The following FRMD7 variants were observed in gnomAD, a reference collection of about 807,000 sequenced individuals.
FRMD7 encodes FERM domain-containing protein 7.
In FRMD7, 14 loss-of-function variants were observed where a neutral mutation model predicts 44.1. The observed-to-expected ratio is 0.32, with a 90% CI of 0.21 to 0.50. FRMD7 has a LOEUF of 0.50. FRMD7 is among the 20% of genes least tolerant of loss of function. The pLI is 0.99. For synonymous variants in FRMD7, 212 were observed against 187.4 expected (o/e 1.13, Z -1.07); for missense variants, 501 against 522.3 (o/e 0.96, Z 0.40).
chrX:132,107,133 A>C (rs1928666772), intron 1 of FRMD7, among the ~76,000 whole-genome samples: 1 of 112,427 alleles, frequency 8.9e-6, no homozygotes, highest in Non-Finnish European at 1.9e-5. Flanking sequence ...ATAGATTGGA[A>C]GGAAATATAG....
intron 7 of FRMD7, among the ~76,000 whole-genome samples, chrX:132,084,964 C>T (rs1927936164): frequency 8.9e-6 from 1 of 111,797 alleles, no homozygotes; most frequent in Non-Finnish European, 1.9e-5. Flanking sequence ...TCAATAGCTC[C>T]TCACTGCCCA....
chrX:132,077,681 G>A lies in FRMD7; in HGVS notation c.*191C>T. On this transcript the variant is annotated 3_prime_UTR_variant, in exon 12 of 12. Transcript: ENST00000298542. ...GAGGGCATGTTCTAAAGTCCCTTCA[G>A]AGGTAATGGAAGAGTGAAACTCAAG... 1.8e-6 allele frequency: 1 copy of A among 566,052 alleles called. No homozygotes were observed. Among genetic ancestry groups the A allele is most frequent in the African/African-American group, 2.3e-5 (1 of 43,396 alleles). The allele number at this position is 566,052 out of a possible 1,213,427, so 46.6% of individuals were successfully genotyped here.
chrX:132,081,513 G>T (rs1223267295), intron 9 of FRMD7, among the ~76,000 whole-genome samples: 4 of 112,890 alleles, frequency 3.5e-5, no homozygotes, highest in African/African-American at 1.3e-4. Context: ...AATAACTCAG[G>T]TCATTAAGAA....
intron 10 of FRMD7, 29 bp from the exon 11 acceptor site, chrX:132,080,110 A>C (rs762011171): frequency 8.8e-7 from 1 of 1,133,361 alleles, no homozygotes; most frequent in South Asian, 1.8e-5. Context: ...GAAGTCATTG[A>C]AATGACCTTC....
At chrX:132,081,564 G>C (rs1311438746) in intron 9 of FRMD7, among the ~76,000 whole-genome samples, 3 of 112,250 alleles carry the variant, frequency 2.7e-5, no homozygotes, top group Non-Finnish European at 3.8e-5. Context: ...TAAGAAGGCA[G>C]GGATTCATAG....
At chrX:132,085,504 G>A (rs1246877846) in intron 7 of FRMD7, 77 bp downstream of exon 7, 65 of 970,617 alleles carry the variant, frequency 6.7e-5, no homozygotes, top group Admixed American at 4.2e-4. Context: ...GATCACCTTG[G>A]GAAAGGACAC....
At chrX:132,112,845 C>A (rs964217330) in intron 1 of FRMD7, among the ~76,000 whole-genome samples, 4 of 111,466 alleles carry the variant, frequency 3.6e-5, no homozygotes, top group Non-Finnish European at 7.5e-5. Context: ...CTTTTCAAAG[C>A]TACAAGGAAG....
intron 1 of FRMD7, among the ~76,000 whole-genome samples, chrX:132,107,831 G>T (rs1382094096): frequency 9.0e-6 from 1 of 111,693 alleles, no homozygotes; most frequent in African/African-American, 3.3e-5. Flanking sequence ...GTCCACTTTT[G>T]TTACCATATT....
At position 132,080,029 on chromosome X, in the gene FRMD7, G is replaced by A; in HGVS notation, c.1027C>T (p.Leu343Phe). 8.4e-7 allele frequency: 1 copy of A among 1,194,330 alleles called. No individual in the cohort carries two copies. The highest frequency in any genetic ancestry group is 1.8e-5 in the South Asian group (1 of 56,583). The change falls in exon 11 of 12, where the codon CTC becomes TTC. Residue 343 changes from leucine to phenylalanine, a missense_variant. Transcript: ENST00000298542. ...HERQCRSSPDLLSDVSKQVED... is the reference protein window; with the variant it reads ...HERQCRSSPDFLSDVSKQVED... Reference sequence around the variant, plus strand: ...ACTTGTTTTGACACATCAGAGAGGAGGTCTGGTGAGGACCTGCACTGTCGT... The same window carrying A: ...ACTTGTTTTGACACATCAGAGAGGAAGTCTGGTGAGGACCTGCACTGTCGT...
chrX:132,088,636 T>C (rs1308834867), intron 5 of FRMD7, among the ~76,000 whole-genome samples: 5 of 109,685 alleles, frequency 4.6e-5, no homozygotes, highest in Non-Finnish European at 9.5e-5. Context: ...AATAAATGAG[T>C]TCAGCAAGGT....
chrX:132,079,900 T>A, intron 11 of FRMD7, 106 bp downstream of exon 11: 2 of 618,078 alleles, frequency 3.2e-6, no homozygotes, highest in Middle Eastern at 3.2e-4. Flanking sequence ...TCAAACAGAG[T>A]AACCTTTTTA....
intron 1 of FRMD7, among the ~76,000 whole-genome samples, chrX:132,123,217 G>A (rs1233524971): frequency 1.8e-5 from 2 of 111,482 alleles, no homozygotes; most frequent in African/African-American, 3.3e-5. Context: ...CAGAACTAAG[G>A]CTCAAATAGC....
intron 1 of FRMD7, among the ~76,000 whole-genome samples, chrX:132,122,779 T>G (rs1363805984): frequency 8.9e-6 from 1 of 112,288 alleles, no homozygotes; most frequent in Non-Finnish European, 1.9e-5. Context: ...AACATATTTT[T>G]ATTAAATATA....
At chrX:132,091,077 A>C (rs751540878) in intron 5 of FRMD7, among the ~76,000 whole-genome samples, 10 of 111,608 alleles carry the variant, frequency 9.0e-5, no homozygotes, top group Non-Finnish European at 1.5e-4. Flanking sequence ...GACCCCGTCA[A>C]AACCTAATTC....
At position 132,097,251 on chromosome X, in the gene FRMD7, AG is replaced by A; in HGVS notation, c.284+14del. The A allele has an allele frequency of 9.4e-7, 1 of 1,066,673 alleles. No homozygotes were observed. The highest frequency in any genetic ancestry group is 1.3e-6 in the Non-Finnish European group (1 of 762,551). The allele number at this position is 1,066,673 out of a possible 1,213,427, so 87.9% of individuals were successfully genotyped here. ...TAAGTAACATCATGCAGAGACACAC[AG>A]GTAATCACTATACCTTGTAAGTTCT... On this transcript the variant is annotated intron_variant, in intron 4 of 11. Coordinates refer to ENST00000298542, the MANE Select transcript of FRMD7 (RefSeq NM_194277.3).
In FRMD7 at chrX:132,078,716, C is replaced by T. The variant is rs1729002292; in HGVS notation, c.1301G>A (p.Arg434Lys). Residue 434 changes from arginine (R) to lysine (K), a missense_variant, in exon 12 of 12, where the codon AGA (arginine) becomes AAA (lysine). Transcript: ENST00000298542. ...NTEPNPNPDPRDIFSERSSLS... is the reference protein window; with the variant it reads ...NTEPNPNPDPKDIFSERSSLS... Reference sequence around the variant, plus strand: ...AGAACTCCTCTCTGAAAAAATGTCTCTGGGATCAGGGTTAGGATTGGGCTC... The same window carrying T: ...AGAACTCCTCTCTGAAAAAATGTCTTTGGGATCAGGGTTAGGATTGGGCTC... 1 of 1,209,398 alleles carries T rather than the reference C, an allele frequency of 8.3e-7. No individual in the cohort carries two copies. The highest frequency in any genetic ancestry group is 1.8e-5 in the African/African-American group (1 of 57,084).
intron 1 of FRMD7, among the ~76,000 whole-genome samples, chrX:132,126,092 A>G (rs1929148924): frequency 1.2e-5 from 1 of 82,056 alleles, no homozygotes; most frequent in Non-Finnish European, 2.2e-5. Context: ...TATCATCATC[A>G]TCACTATCAT....
Position 132,077,986 on chromosome X carries a change from G to T in FRMD7, c.2031C>A (p.Ile677=). The change falls in exon 12 of 12, where the codon ATC becomes ATA. Residue 677 remains isoleucine (I), a synonymous_variant. Coordinates refer to ENST00000298542, the MANE Select transcript of FRMD7 (RefSeq NM_194277.3). ...GKEIRSPMAR[I]RLSSGSLQLD... ...ACTGTAGACTACCAGAAGACAGGCG[G>T]ATTCTGGCCATGGGTGACCTTATTT... 8.3e-7 allele frequency: 1 copy of T among 1,210,564 alleles called. No individual in the cohort carries two copies. Among genetic ancestry groups the T allele is most frequent in the African/African-American group, 1.7e-5 (1 of 57,791 alleles).
At chrX:132,117,794 A>G (rs1928938485) in intron 1 of FRMD7, among the ~76,000 whole-genome samples, 1 of 112,175 alleles carries the variant, frequency 8.9e-6, no homozygotes, top group Admixed American at 9.5e-5. Flanking sequence ...CTTGTTGGAC[A>G]TGTAAGTTGT....
Sources: allele counts gnomAD v4.1 joint callset (sites outside exome capture counted in the v4.1 genomes callset), GRCh38; gene constraint gnomAD v4.1.1; transcripts MANE v1.5; gene names NCBI Gene and HGNC (gene_info 2026-07-23, HGNC 2026-07-21).